The following SGK2 variants were observed in gnomAD, a reference collection of about 807,000 sequenced individuals.
The protein encoded by SGK2 is serum/glucocorticoid regulated kinase 2, also known as serine/threonine-protein kinase Sgk2.
A neutral mutation model predicts 47.5 loss-of-function variants in SGK2; 36 were observed. The ratio of observed to expected loss-of-function variants is 0.76; its 90% CI spans 0.58 to 1.00. SGK2 has a LOEUF of 1.00. SGK2 is among the 50% of genes least tolerant of loss of function. The probability of loss-of-function intolerance (pLI) is 0.00; values close to 1 mark genes in which losing one functional copy is unlikely to be tolerated. For missense variants in SGK2, 404 were observed against 467.4 expected (o/e 0.86, Z 1.25); for synonymous variants, 157 against 181.9 (o/e 0.86, Z 1.10).
At chr20:43,581,068 G>C (rs958018128) in intron 12 of SGK2, among the ~76,000 whole-genome samples, 42 of 151,910 alleles carry the variant, frequency 2.8e-4, no homozygotes, top group African/African-American at 9.7e-4. Flanking sequence ...GCAGAGATGG[G>C]GTTTCACCAT....
intron 1 of SGK2, among the ~76,000 whole-genome samples, chr20:43,564,396 A>G (rs1011121828): frequency 2.6e-5 from 4 of 152,200 alleles, no homozygotes; most frequent in African/African-American, 9.6e-5. Flanking sequence ...CTCAGCTGCC[A>G]TGGCTGATGT....
chr20:43,576,746 C>G (rs1727568031), intron 11 of SGK2, among the ~76,000 whole-genome samples: 1 of 152,216 alleles, frequency 6.6e-6, no homozygotes, highest in African/African-American at 2.4e-5. Context: ...TCGAGACCAG[C>G]CTGGCCAACA....
chr20:43,561,876 C>CTCAG (rs1979407679), intron 1 of SGK2, among the ~76,000 whole-genome samples: 1 of 152,112 alleles, frequency 6.6e-6, no homozygotes, highest in Admixed American at 6.5e-5. Flanking sequence ...ACAATGGGGG[C>CTCAG]TCAGGCAGGG....
intron 10 of SGK2, among the ~76,000 whole-genome samples, chr20:43,575,720 A>G (rs1179019006): frequency 6.6e-6 from 1 of 152,166 alleles, no homozygotes; most frequent in Non-Finnish European, 1.5e-5. Context: ...TTTCACCAGC[A>G]TAGCTTGGTC....
At chr20:43,573,989 C>T (rs577648497) in intron 9 of SGK2, among the ~76,000 whole-genome samples, 4 of 152,284 alleles carry the variant, frequency 2.6e-5, no homozygotes, top group African/African-American at 7.2e-5. Context: ...CATGGTTGCT[C>T]CCATTGTTTG....
At chr20:43,579,052 C>T (rs1980637000) in intron 11 of SGK2, among the ~76,000 whole-genome samples, 7 of 147,580 alleles carry the variant, frequency 4.7e-5, no homozygotes, top group Admixed American at 2.7e-4. Context: ...GAGTCTTGCT[C>T]TGTTGCCCAG....
chr20:43,574,641 C>T (rs1463792010), intron 9 of SGK2, among the ~76,000 whole-genome samples: 2 of 152,206 alleles, frequency 1.3e-5, no homozygotes, highest in Non-Finnish European at 2.9e-5. Flanking sequence ...CCCCCTTTAC[C>T]CTTTTGGCTG....
At chr20:43,582,288 G>T (rs1287725733) in intron 12 of SGK2, among the ~76,000 whole-genome samples, 1 of 151,816 alleles carries the variant, frequency 6.6e-6, no homozygotes, top group Non-Finnish European at 1.5e-5. Context: ...GAACTCCTGG[G>T]CTCAAGTGAT....
In SGK2 at chr20:43,572,619, G is replaced by A. The variant is rs1980212100; in HGVS notation, c.597+482G>A. Among the ~76,000 whole-genome samples the A allele has an allele frequency of 6.6e-6, 1 of 152,166 alleles. No homozygotes were observed. Among genetic ancestry groups the A allele is most frequent in the African/African-American group, 2.4e-5 (1 of 41,428 alleles). On this transcript the variant is annotated intron_variant, in intron 9 of 12. Coordinates refer to ENST00000373100, the MANE Select transcript of SGK2 (RefSeq NM_170693.3). The surrounding 1 kb of genome is among the most constrained non-coding windows in gnomAD (Gnocchi z 4.2). Reference sequence around the variant, plus strand: ...TTGAATACAGGAGGCAGAGGTTGCAGTGAGCCAAGACTGTGCCACTGCACT... The same window carrying A: ...TTGAATACAGGAGGCAGAGGTTGCAATGAGCCAAGACTGTGCCACTGCACT...
chr20:43,559,280 TG>T (rs1317890128), intron 1 of SGK2, 121 bp downstream of exon 1: 2 of 152,354 alleles, frequency 1.3e-5, no homozygotes, highest in Admixed American at 1.3e-4. Context: ...CTTTCTTCCT[TG>T]GCGACTTCTT....
Position 43,569,411 on chromosome 20 carries a change from T to G in SGK2, c.255T>G (p.Ser85Arg). 1.9e-6 allele frequency: 3 copies of G among 1,614,032 alleles called. No individual in the cohort carries two copies. The highest frequency in any genetic ancestry group is 1.7e-6 in the Non-Finnish European group (2 of 1,180,022). ...AGAGCCACATCATGGCAGAGCGCAG[T>G]GTGCTTCTGAAGAACGTGCGGCACC... ...KEQSHIMAER[S>R]VLLKNVRHPF... Residue 85 changes from serine (S) to arginine (R), a missense_variant, in exon 6 of 13, where the codon AGT becomes AGG. Coordinates refer to ENST00000373100, the MANE Select transcript of SGK2 (RefSeq NM_170693.3).
chr20:43,571,025 G>T lies in SGK2; in HGVS notation c.475G>T (p.Asp159Tyr), dbSNP rs1315099459. ...GCTGTTTTCTCTTATTTTCTGCAGG[G>T]ATCTGAAACCAGAGAACATTCTCTT... ...YLHSLNIIYR[D>Y]LKPENILLDC... The change falls in exon 8 of 13, where the codon GAT becomes TAT. Residue 159 changes from aspartate to tyrosine, a missense_variant and splice_region_variant. Coordinates refer to ENST00000373100, the MANE Select transcript of SGK2 (RefSeq NM_170693.3). 1 of 1,612,018 alleles carries T rather than the reference G, an allele frequency of 6.2e-7. No homozygotes were observed. Among genetic ancestry groups the T allele is most frequent in the African/African-American group, 1.3e-5 (1 of 74,786 alleles).
intron 1 of SGK2, among the ~76,000 whole-genome samples, chr20:43,562,997 A>G (rs1342656672): frequency 1.3e-5 from 2 of 151,830 alleles, no homozygotes; most frequent in Non-Finnish European, 2.9e-5. Context: ...TTAGCCGGGT[A>G]TGGTGGCGGG....
At chr20:43,583,277 C>G in intron 12 of SGK2, 2 of 1,289,694 alleles carry the variant, frequency 1.6e-6, no homozygotes, top group Non-Finnish European at 2.0e-6. Flanking sequence ...GGAGAGAGAA[C>G]CATACATGGA....
chr20:43,575,613 T>TA (rs1477154635), intron 10 of SGK2, among the ~76,000 whole-genome samples: 1 of 152,178 alleles, frequency 6.6e-6, no homozygotes, highest in East Asian at 1.9e-4. Flanking sequence ...ACAGTCCTGA[T>TA]AGGTTGTGGA....
At chr20:43,584,463 A>G (rs116385795) in intron 12 of SGK2, among the ~76,000 whole-genome samples, 52 of 152,190 alleles carry the variant, frequency 3.4e-4, no homozygotes, top group African/African-American at 1.1e-3. Context: ...TCTCTTCTTC[A>G]TAGGACCTAT....
chr20:43,568,472 G>T (rs989077238), intron 5 of SGK2, among the ~76,000 whole-genome samples: 1 of 150,676 alleles, frequency 6.6e-6, no homozygotes, highest in Non-Finnish European at 1.5e-5. Flanking sequence ...TACATGCACA[G>T]CACATCATGG....
At chr20:43,578,465 G>A (rs1980598748) in intron 11 of SGK2, among the ~76,000 whole-genome samples, 1 of 151,990 alleles carries the variant, frequency 6.6e-6, no homozygotes, top group South Asian at 2.1e-4. Flanking sequence ...CTCCAGCCTC[G>A]GCAACAGAGT....
rs1323071785 is a variant in SGK2 at position 43,569,468 on chromosome 20, G to T, written c.312G>T (p.Gln104His). 4 of 1,613,656 alleles carry T rather than the reference G, an allele frequency of 2.5e-6. No individual in the cohort carries two copies. The South Asian group carries it at 4.4e-5, about 18-fold the overall frequency. ...TCGTGGGCCTGCGCTACTCCTTCCAGACACCTGAGAAGCTCTACTTCGTGC... is the reference window on the plus strand; with the variant it reads ...TCGTGGGCCTGCGCTACTCCTTCCATACACCTGAGAAGCTCTACTTCGTGC... ...PFLVGLRYSF[Q>H]TPEKLYFVLD... Residue 104 changes from glutamine to histidine, a missense_variant, in exon 6 of 13, where the codon CAG becomes CAT. Gln to His is a conservative substitution (Grantham distance 24). Transcript: ENST00000373100.
Sources: gnomAD v4.1 joint callset for allele counts (sites outside exome capture counted in the v4.1 genomes callset) on GRCh38, gnomAD v4.1.1 for gene constraint, Gnocchi (gnomAD v3.1) non-coding constraint, MANE v1.5 for transcripts, NCBI Gene and HGNC (gene_info 2026-07-23, HGNC 2026-07-21) for gene names.